Variants in HSPD1 observed in about 807,000 individuals in gnomAD.
HSPD1 encodes heat shock protein family D (Hsp60) member 1.
HSPD1 carries 3 observed loss-of-function variants against 53.0 expected under a neutral mutation model. The ratio of observed to expected loss-of-function variants is 0.06; its 90% CI spans 0.03 to 0.15. HSPD1 has a LOEUF of 0.15. Among genes scored for constraint, HSPD1 ranks in the 10% least tolerant of loss-of-function variants. The pLI, the probability that HSPD1 is intolerant of heterozygous loss-of-function variation, is 1.00. For synonymous variants in HSPD1, 200 were observed against 228.0 expected, an observed-to-expected ratio of 0.88 and a Z score of 1.10; for missense variants, 431 against 694.1, an observed-to-expected ratio of 0.62 and a Z score of 4.26.
In HSPD1 at chr2:197,498,717, T is replaced by C. The variant is rs1433076822; in HGVS notation, c.132A>G (p.Val44=). ...CGGCCACAGCATCGGCTAAAAGGTC[T>C]ACACCTTGAAGCATTAAGGCTCGGG... ...ADARALMLQG[V]DLLADAVAVT... is the part of the protein sequence containing the mutation. Residue 44 remains valine, a synonymous_variant, in exon 2 of 12, where the codon GTA becomes GTG. Coordinates refer to ENST00000388968, the MANE Select transcript of HSPD1 (RefSeq NM_002156.5). 8 of 1,614,178 alleles carry C rather than the reference T, an allele frequency of 5.0e-6. No individual in the cohort carries two copies. The highest frequency in any genetic ancestry group is 1.7e-5 in the Admixed American group (1 of 60,020).
intron 4 of HSPD1, 39 bp from the exon 5 acceptor site, chr2:197,494,791 G>A: frequency 7.5e-7 from 1 of 1,334,960 alleles, no homozygotes; most frequent in Non-Finnish European, 1.1e-6. Context: ...TAAAAGGTAA[G>A]CCTAGTGTCC....
chr2:197,490,704 C>G, intron 7 of HSPD1: 1 of 245,260 alleles, frequency 4.1e-6, no homozygotes, highest in Non-Finnish European at 8.0e-6. Context: ...GTAGCAGGCA[C>G]CTGTAATCCC....
intron 3 of HSPD1, among the ~76,000 whole-genome samples, chr2:197,496,392 A>T (rs2086157278): frequency 1.3e-5 from 2 of 152,224 alleles, no homozygotes; most frequent in Admixed American, 6.5e-5. Flanking sequence ...TGAGGTAATG[A>T]TACATTAGTA....
rs1312183026 is a variant in HSPD1, at chr2:197,489,251, C to T, written c.970-4G>A. On this transcript the variant is annotated splice_polypyrimidine_tract_variant and splice_region_variant and intron_variant, in intron 8 of 11. Coordinates refer to ENST00000388968, the MANE Select transcript of HSPD1 (RefSeq NM_002156.5). Reference sequence around the variant, plus strand: ...TCAATCCCTCTTCTCCAAACACCTACAAAAAGAGTTAAACGTAAACCTGTT... The same window carrying T: ...TCAATCCCTCTTCTCCAAACACCTATAAAAAGAGTTAAACGTAAACCTGTT... 6.2e-7 allele frequency: 1 copy of T among 1,613,988 alleles called. No homozygotes were observed. The highest frequency in any genetic ancestry group is 1.3e-5 in the African/African-American group (1 of 74,914).
rs780729843 is a variant in HSPD1, at chr2:197,494,142, T to C, written c.700+15A>G. 3.0e-5 allele frequency: 32 copies of C among 1,077,746 alleles called. No homozygotes were observed. Among genetic ancestry groups the C allele is most frequent in the Non-Finnish European group, 4.2e-5 (29 of 694,148 alleles). The allele number at this position is 1,077,746 out of a possible 1,614,324, so 66.8% of individuals were successfully genotyped here. A position where few individuals can be genotyped will look rare whatever the true frequency, so the allele number is the denominator to read the frequency against. ...AATAAAAATAATAATAATTCAGTTA[T>C]TGATTTGTTCTTACCTTTTGATGTA... is the stretch of plus-strand genomic sequence containing the variant. On this transcript the variant is annotated intron_variant, in intron 6 of 11. Transcript: ENST00000388968.
rs2086029832 is a variant in HSPD1 at position 197,486,720 on chromosome 2, G to A, written c.*326C>T. 2.9e-6 allele frequency: 1 copy of A among 340,794 alleles called. No individual in the cohort carries two copies. The highest frequency in any genetic ancestry group is 5.6e-6 in the Non-Finnish European group (1 of 177,290). 21.1% of individuals were successfully genotyped at this position (340,794 alleles called of 1,614,324 possible). ...TGGTGGTGGCAAGCACTAAAATCCT[G>A]ATTTTAACAGAATAGTAGTAAAAAT... is the stretch of plus-strand genomic sequence containing the variant. On this transcript the variant is annotated 3_prime_UTR_variant, in exon 12 of 12. Transcript: ENST00000388968.
intron 7 of HSPD1, chr2:197,490,505 A>C: frequency 1.7e-6 from 1 of 574,888 alleles, no homozygotes; most frequent in African/African-American, 1.9e-5. Context: ...TCTATTAATT[A>C]TACTTGTCCA....
At chr2:197,496,769 A>G (rs570235773) in intron 3 of HSPD1, 3 of 294,222 alleles carry the variant, frequency 1.0e-5, no homozygotes, top group South Asian at 7.0e-5. Context: ...TACTTTCTAC[A>G]AAACTAAACT....
At position 197,488,028 on chromosome 2, in the gene HSPD1, T is replaced by C. The variant is rs1028457857; in HGVS notation, c.1399A>G (p.Ile467Val). ...ANEDQKIGIE[I>V]IKRTLKIPAM... is the part of the protein sequence containing the mutation. ...GGAATTTTGAGTGTTCTTTTAATAA[T>C]TTCTATACCTACAGAGAAATTTCAG... Residue 467 changes from isoleucine (I) to valine (V), a missense_variant, in exon 11 of 12, where the codon ATT (isoleucine) becomes GTT (valine). Physicochemically the swap from Ile to Val is conservative, Grantham distance 29. This residue lies in a region of HSPD1 where 386 missense variants were observed against 657.6 expected (regional missense o/e 0.59). Transcript: ENST00000388968. The C allele has an allele frequency of 2.5e-6, 4 of 1,599,908 alleles. No individual in the cohort carries two copies. In the African/African-American group the frequency reaches 5.4e-5, roughly 21 times the overall value.
At position 197,497,202 on chromosome 2, in the gene HSPD1, G is replaced by C. The variant is rs565172221; in HGVS notation, c.365C>G (p.Ser122Cys). The change falls in exon 3 of 12, where the codon TCT becomes TGT. Residue 122 changes from serine to cysteine, a missense_variant. Ser to Cys is a moderately radical substitution (Grantham distance 112). Transcript: ENST00000388968. ...CTTCTCGAAGCCTTCCTTGGCTATA[G>C]AGCGTGCCAGTACAGTAGCAGTGGT... ...GTTTATVLAR[S>C]IAKEGFEKIS... 6.2e-7 allele frequency: 1 copy of C among 1,613,862 alleles called. No individual in the cohort carries two copies. The highest frequency in any genetic ancestry group is 1.3e-5 in the African/African-American group (1 of 75,058).
chr2:197,499,116 C>T, intron 1 of HSPD1: 2 of 538,340 alleles, frequency 3.7e-6, no homozygotes, highest in Non-Finnish European at 6.7e-6. Context: ...CCTATCCCTG[C>T]CGCCAAAAAC....
intron 1 of HSPD1, 51 bp from the exon 2 acceptor site, chr2:197,498,901 C>T: frequency 6.6e-7 from 1 of 1,519,272 alleles, no homozygotes; most frequent in South Asian, 1.1e-5. Flanking sequence ...TGGTGCGCTG[C>T]AGAACAAACA....
chr2:197,497,539 G>A lies in HSPD1; in HGVS notation c.175-147C>T, dbSNP rs148897730. On this transcript the variant is annotated intron_variant, in intron 2 of 11. Transcript: ENST00000388968. ...ATCAGTCTTGCAGCATGAACCTCAA[G>A]GGCAAGTTTATCGACATTCTTTGTC... 78 of 760,540 alleles carry A rather than the reference G, an allele frequency of 1.0e-4. No individual in the cohort carries two copies. In the African/African-American group the frequency reaches 1.3e-3, roughly 12 times the overall value. 47.1% of individuals were successfully genotyped at this position (760,540 alleles called of 1,614,324 possible).
chr2:197,487,775 G>A (rs570812446), intron 11 of HSPD1, 83 bp downstream of exon 11: 1 of 1,177,872 alleles, frequency 8.5e-7, no homozygotes, highest in African/African-American at 1.5e-5. Context: ...TTTTTCTGGT[G>A]ACAAAATCAA....
Position 197,493,367 on chromosome 2 carries a change from C to G in HSPD1, c.826G>C (p.Glu276Gln). The change falls in exon 7 of 12, where the codon GAA becomes CAA. Residue 276 changes from glutamate (E) to glutamine (Q), a missense_variant. This residue lies in a region of HSPD1 where 386 missense variants were observed against 657.6 expected (regional missense o/e 0.59). Coordinates refer to ENST00000388968, the MANE Select transcript of HSPD1 (RefSeq NM_002156.5). ...AHRKPLVIIA[E>Q]DVDGEALSTL... ...CTTAGAGCTTCTCCATCAACATCTT[C>G]AGCGATTATGACCAAAGGCTTACGG... 1 of 1,613,806 alleles carries G rather than the reference C, an allele frequency of 6.2e-7. No homozygotes were observed.
intron 7 of HSPD1, among the ~76,000 whole-genome samples, chr2:197,492,222 G>C (rs1439462096): frequency 6.6e-6 from 1 of 152,146 alleles, no homozygotes; most frequent in Non-Finnish European, 1.5e-5. Flanking sequence ...ACAGAGTCTC[G>C]CTTTGTTGCC....
chr2:197,499,143 G>A (rs1216764370), intron 1 of HSPD1: 3 of 484,090 alleles, frequency 6.2e-6, no homozygotes, highest in Admixed American at 6.8e-5. Context: ...ATCTTTCACC[G>A]CGAAAACGGC....
chr2:197,489,255 A>G lies in HSPD1; in HGVS notation c.970-8T>C, dbSNP rs747387316. Reference sequence around the variant, plus strand: ...TCCCTCTTCTCCAAACACCTACAAAAAGAGTTAAACGTAAACCTGTTGTAG... The same window carrying G: ...TCCCTCTTCTCCAAACACCTACAAAGAGAGTTAAACGTAAACCTGTTGTAG... On this transcript the variant is annotated splice_polypyrimidine_tract_variant and splice_region_variant and intron_variant, in intron 8 of 11. Transcript: ENST00000388968. 1 of 1,614,052 alleles carries G rather than the reference A, an allele frequency of 6.2e-7. No homozygotes were observed. The highest frequency in any genetic ancestry group is 1.7e-5 in the Admixed American group (1 of 60,014).
At chr2:197,498,946 T>G in intron 1 of HSPD1, 96 bp from the exon 2 acceptor site, 1 of 1,133,242 alleles carries the variant, frequency 8.8e-7, no homozygotes, top group South Asian at 1.3e-5. Flanking sequence ...CAACGTGAGA[T>G]GCTGAGCCTG....
Sources: gnomAD v4.1 joint callset for allele counts (sites outside exome capture counted in the v4.1 genomes callset) on GRCh38, gnomAD v4.1.1 for gene constraint, gnomAD v4.1.1 regional missense constraint, MANE v1.5 for transcripts, NCBI Gene and HGNC (gene_info 2026-07-23, HGNC 2026-07-21) for gene names.